The following SNX27 variants were observed in gnomAD, a reference collection of about 807,000 sequenced individuals.
The protein encoded by SNX27 is sorting nexin-27.
SNX27 carries 22 observed loss-of-function variants against 71.6 expected under a neutral mutation model. The ratio of observed to expected loss-of-function variants is 0.31; its 90% CI spans 0.22 to 0.44. The LOEUF (loss-of-function observed/expected upper bound fraction) is 0.44. SNX27 is among the 20% of genes least tolerant of loss of function. SNX27 has a pLI of 1.00. For missense variants in SNX27, 531 were observed against 698.6 expected, an observed-to-expected ratio of 0.76 and a Z score of 2.70; for synonymous variants, 269 against 277.2, an observed-to-expected ratio of 0.97 and a Z score of 0.29.
intron 2 of SNX27, among the ~76,000 whole-genome samples, chr1:151,644,939 A>G (rs1239639969): frequency 6.6e-6 from 1 of 151,990 alleles, no homozygotes; most frequent in African/African-American, 2.4e-5. Flanking sequence ...AGCTGGGATT[A>G]CAGGCATGCG....
At chr1:151,618,599 A>G (rs1667534670) in intron 1 of SNX27, among the ~76,000 whole-genome samples, 1 of 152,176 alleles carries the variant, frequency 6.6e-6, no homozygotes, top group African/African-American at 2.4e-5. Flanking sequence ...GCCTGTTACC[A>G]TGCTCTCAAA....
intron 2 of SNX27, among the ~76,000 whole-genome samples, chr1:151,647,558 GA>G (rs1224189219): frequency 1.1e-4 from 14 of 123,566 alleles, no homozygotes; most frequent in African/African-American, 4.4e-4. Flanking sequence ...TGGGCTCCCT[GA>G]AACCTTGCAC....
intron 1 of SNX27, among the ~76,000 whole-genome samples, chr1:151,636,688 AAAG>A (rs1042625917): frequency 7.3e-5 from 11 of 151,480 alleles, no homozygotes; most frequent in African/African-American, 2.7e-4. Context: ...AAAAAAAAAA[AAAG>A]GATATTCATG....
At chr1:151,616,753 A>G (rs1165712611) in intron 1 of SNX27, among the ~76,000 whole-genome samples, 1 of 152,166 alleles carries the variant, frequency 6.6e-6, no homozygotes, top group Non-Finnish European at 1.5e-5. Context: ...AATCATGGTT[A>G]TTGATCAAAG....
At chr1:151,685,181 G>A (rs1404906677) in intron 8 of SNX27, among the ~76,000 whole-genome samples, 1 of 152,006 alleles carries the variant, frequency 6.6e-6, no homozygotes, top group Non-Finnish European at 1.5e-5. Flanking sequence ...AAAAAAAATT[G>A]AAGTACAATG....
chr1:151,627,768 C>T (rs2102611351), intron 1 of SNX27, among the ~76,000 whole-genome samples: 3 of 152,140 alleles, frequency 2.0e-5, no homozygotes, highest in Middle Eastern at 6.8e-3. Flanking sequence ...TAGATTTTGA[C>T]ATGCATTATG....
At chr1:151,668,241 G>A (rs1297361828) in intron 6 of SNX27, among the ~76,000 whole-genome samples, 1 of 152,184 alleles carries the variant, frequency 6.6e-6, no homozygotes, top group African/African-American at 2.4e-5. Flanking sequence ...TCATTCAAGT[G>A]ATAGGTTTCA....
intron 5 of SNX27, among the ~76,000 whole-genome samples, chr1:151,664,850 G>C (rs891746702): frequency 2.0e-5 from 3 of 152,066 alleles, no homozygotes; most frequent in African/African-American, 7.2e-5. Flanking sequence ...CTCTAGCAAG[G>C]CTTAGGTTTT....
intron 2 of SNX27, among the ~76,000 whole-genome samples, chr1:151,652,224 G>GGGAGAC (rs1409657725): frequency 8.6e-6 from 1 of 116,584 alleles, no homozygotes; most frequent in African/African-American, 3.5e-5. Context: ...GAGAGGGAGA[G>GGGAGAC]GGAGAGGGAG....
intron 2 of SNX27, among the ~76,000 whole-genome samples, chr1:151,652,016 A>G (rs942412404): frequency 6.6e-6 from 1 of 152,216 alleles, no homozygotes; most frequent in African/African-American, 2.4e-5. Flanking sequence ...CTCGGCCAAC[A>G]CAGCGAAACC....
chr1:151,692,613 C>T (rs369309499), intron 9 of SNX27, 29 bp downstream of exon 9: 52 of 1,600,878 alleles, frequency 3.2e-5, no homozygotes, highest in South Asian at 1.4e-4. Flanking sequence ...GCTCTGGCTG[C>T]GAGGACTGGA....
intron 1 of SNX27, among the ~76,000 whole-genome samples, chr1:151,618,077 T>A (rs1558032183): frequency 6.6e-6 from 1 of 150,948 alleles, no homozygotes. Flanking sequence ...TGTTGCCCAG[T>A]GTGGTCTTGA....
chr1:151,616,067 A>G (rs1667411766), intron 1 of SNX27, among the ~76,000 whole-genome samples: 1 of 152,176 alleles, frequency 6.6e-6, no homozygotes, highest in Non-Finnish European at 1.5e-5. Flanking sequence ...AGTTTTTTTG[A>G]CTAGCAAAGC....
chr1:151,623,875 C>A (rs1667791514), intron 1 of SNX27, among the ~76,000 whole-genome samples: 2 of 152,118 alleles, frequency 1.3e-5, no homozygotes, highest in South Asian at 4.1e-4. Context: ...ATTTTTGGAG[C>A]ATCAGAACTT....
intron 7 of SNX27, among the ~76,000 whole-genome samples, chr1:151,680,857 A>G (rs1266243395): frequency 6.6e-6 from 1 of 152,130 alleles, no homozygotes; most frequent in Admixed American, 6.5e-5. Context: ...TTGGTGATGA[A>G]GAGGAAAGTG....
chr1:151,626,005 T>C (rs1667915684), intron 1 of SNX27, among the ~76,000 whole-genome samples: 1 of 151,922 alleles, frequency 6.6e-6, no homozygotes, highest in East Asian at 1.9e-4. Flanking sequence ...GGCCCACACA[T>C]GTAATCCCAG....
chr1:151,685,908 C>G (rs1362385382), intron 8 of SNX27, among the ~76,000 whole-genome samples: 1 of 152,180 alleles, frequency 6.6e-6, no homozygotes, highest in Non-Finnish European at 1.5e-5. Flanking sequence ...TAAATCTTGG[C>G]AGAATTTTGG....
chr1:151,656,027 T>C (rs1669667362), intron 2 of SNX27, among the ~76,000 whole-genome samples: 1 of 151,950 alleles, frequency 6.6e-6, no homozygotes, highest in African/African-American at 2.4e-5. Flanking sequence ...ATCCAGACCA[T>C]CCTGGCTAAC....
At chr1:151,642,292 C>G (rs1668813989) in intron 2 of SNX27, among the ~76,000 whole-genome samples, 1 of 151,092 alleles carries the variant, frequency 6.6e-6, no homozygotes, top group Non-Finnish European at 1.5e-5. Context: ...GAGGCTGAGG[C>G]AGAAAAATCA....
Sources: allele counts gnomAD v4.1 joint callset (sites outside exome capture counted in the v4.1 genomes callset), GRCh38; gene constraint gnomAD v4.1.1; transcripts MANE v1.5; gene names NCBI Gene and HGNC (gene_info 2026-07-23, HGNC 2026-07-21).